The following TAFA2 variants were observed in gnomAD, a reference collection of about 807,000 sequenced individuals.
TAFA2 encodes TAFA chemokine like family member 2.
A neutral mutation model predicts 18.8 loss-of-function variants in TAFA2; 7 were observed. The ratio of observed to expected loss-of-function variants is 0.37; its 90% CI spans 0.21 to 0.70. The LOEUF is 0.70. Among genes scored for constraint, TAFA2 ranks in the 30% least tolerant of loss-of-function variants. TAFA2 has a pLI of 0.53. For missense variants in TAFA2, 122 were observed against 158.1 expected (o/e 0.77, Z 1.23); for synonymous variants, 60 against 54.2 (o/e 1.11, Z -0.47).
chr12:61,910,522 A>G (rs1876564266), intron 1 of TAFA2, among the ~76,000 whole-genome samples: 1 of 152,188 alleles, frequency 6.6e-6, no homozygotes, highest in African/African-American at 2.4e-5. Context: ...ACTCCAAGAT[A>G]AACATAATCA....
At chr12:61,834,871 C>T (rs1275305583) in intron 2 of TAFA2, among the ~76,000 whole-genome samples, 1 of 151,966 alleles carries the variant, frequency 6.6e-6, no homozygotes, top group East Asian at 1.9e-4. Flanking sequence ...TGAAGCCACA[C>T]CAATTATTCT....
In TAFA2 at chr12:61,897,025, A is replaced by T. The variant is rs188815026; in HGVS notation, c.-1-29599T>A. 3.3e-5 allele frequency among the ~76,000 whole-genome samples: 5 copies of T among 152,336 alleles called. No homozygotes were observed. The East Asian group carries it at 7.7e-4, about 23-fold the overall frequency. On this transcript the variant is annotated intron_variant, in intron 1 of 4. Coordinates refer to ENST00000416284, the MANE Select transcript of TAFA2 (RefSeq NM_178539.5). ...CAATATTACTTTTCCATATTATTTG[A>T]TACATATAAAATAAGTAACATAGGT... is the stretch of plus-strand genomic sequence containing the variant.
intron 2 of TAFA2, among the ~76,000 whole-genome samples, chr12:61,847,179 C>T (rs927801899): frequency 6.6e-6 from 1 of 152,210 alleles, no homozygotes; most frequent in Non-Finnish European, 1.5e-5. Flanking sequence ...ATCTCTTCTG[C>T]TGTTGTGATT....
intron 1 of TAFA2, among the ~76,000 whole-genome samples, chr12:62,027,532 G>A (rs1881340611): frequency 6.6e-6 from 1 of 152,060 alleles, no homozygotes; most frequent in South Asian, 2.1e-4. Flanking sequence ...TAAAATTTGT[G>A]TAGCACCTTT....
chr12:62,226,404 A>C (rs1315059671), intron 1 of TAFA2, among the ~76,000 whole-genome samples: 1 of 152,016 alleles, frequency 6.6e-6, no homozygotes, highest in Non-Finnish European at 1.5e-5. Flanking sequence ...TCACTGTGTT[A>C]GCCAAGATGG....
At chr12:61,819,803 A>G (rs1446436288) in intron 2 of TAFA2, among the ~76,000 whole-genome samples, 1 of 152,090 alleles carries the variant, frequency 6.6e-6, no homozygotes, top group Admixed American at 6.5e-5. Flanking sequence ...AGAATATGAC[A>G]AATGTCCTGG....
chr12:62,147,328 A>G (rs1458451704), intron 1 of TAFA2, among the ~76,000 whole-genome samples: 154 of 15,108 alleles, frequency 0.01, 2 homozygotes, highest in African/African-American at 0.023. Flanking sequence ...GTATGTATGT[A>G]TATATATATA....
At chr12:62,189,940 TTGTGTGTG>T (rs10643306) in intron 1 of TAFA2, among the ~76,000 whole-genome samples, 37 of 142,022 alleles carry the variant, frequency 2.6e-4, no homozygotes, top group East Asian at 2.1e-3. Flanking sequence ...TGAGTTTGCT[TTGTGTGTG>T]TGTGTGTGTG....
chr12:61,826,264 T>C (rs1872533518), intron 2 of TAFA2, among the ~76,000 whole-genome samples: 1 of 151,942 alleles, frequency 6.6e-6, no homozygotes, highest in Non-Finnish European at 1.5e-5. Context: ...AGTACTACCC[T>C]TTAAAAAAAT....
At chr12:61,839,876 A>T (rs1176275035) in intron 2 of TAFA2, among the ~76,000 whole-genome samples, 1 of 152,070 alleles carries the variant, frequency 6.6e-6, no homozygotes, top group African/African-American at 2.4e-5. Flanking sequence ...AGTTTAAATT[A>T]AAAAAATAAG....
chr12:62,070,680 C>G (rs1475873341), intron 1 of TAFA2: 2 of 152,170 alleles, frequency 1.3e-5, no homozygotes, highest in African/African-American at 4.8e-5. Flanking sequence ...ACAGAAAAGC[C>G]TCCTAACTGC....
intron 1 of TAFA2, among the ~76,000 whole-genome samples, chr12:61,988,318 GC>G (rs1432053831): frequency 6.6e-6 from 1 of 151,918 alleles, no homozygotes; most frequent in African/African-American, 2.4e-5. Context: ...ATTATAAAAT[GC>G]CCCAAGATTT....
intron 1 of TAFA2, chr12:61,880,035 TGATCTCGGACACGTCTGTGGTGCTGTCC>T: frequency 2.8e-6 from 2 of 716,928 alleles, no homozygotes; most frequent in Non-Finnish European, 5.1e-6. Context: ...CTGCAGTCCC[TGATCTCGGACACGTCTGTGGTGCTGTCC>T]ATAGACAGCA....
At chr12:62,234,392 G>T (rs1417806252) in intron 1 of TAFA2, 1 of 675,082 alleles carries the variant, frequency 1.5e-6, no homozygotes, top group African/African-American at 1.8e-5. Flanking sequence ...TTCACCTAAG[G>T]ACCAGGAACA....
intron 2 of TAFA2, among the ~76,000 whole-genome samples, chr12:61,773,285 T>G (rs1256820326): frequency 6.6e-6 from 1 of 151,740 alleles, no homozygotes; most frequent in Admixed American, 6.6e-5. Flanking sequence ...TACTGCCAAA[T>G]GCAATTCACA....
chr12:61,918,985 C>G (rs971297767), intron 1 of TAFA2, among the ~76,000 whole-genome samples: 1 of 152,286 alleles, frequency 6.6e-6, no homozygotes, highest in South Asian at 2.1e-4. Context: ...ACCATAGTTC[C>G]AATCTCTTTG....
At chr12:62,139,397 A>G (rs1565757453) in intron 1 of TAFA2, among the ~76,000 whole-genome samples, 1 of 152,182 alleles carries the variant, frequency 6.6e-6, no homozygotes, top group Non-Finnish European at 1.5e-5. Flanking sequence ...AAATAAAATG[A>G]AACATTACAC....
intron 1 of TAFA2, among the ~76,000 whole-genome samples, chr12:62,168,125 T>C (rs2062452570): frequency 6.6e-6 from 1 of 152,180 alleles, no homozygotes; most frequent in South Asian, 2.1e-4. Flanking sequence ...TTTCCTGTAT[T>C]GTACCTCTGG....
intron 1 of TAFA2, among the ~76,000 whole-genome samples, chr12:62,092,474 C>T (rs187431806): frequency 1.6e-4 from 24 of 152,032 alleles, no homozygotes; most frequent in African/African-American, 5.8e-4. Context: ...TTTGATAAAT[C>T]CCACAGTCAG....
Sources: gnomAD v4.1 joint callset for allele counts (sites outside exome capture counted in the v4.1 genomes callset) on GRCh38, gnomAD v4.1.1 for gene constraint, MANE v1.5 for transcripts, NCBI Gene and HGNC (gene_info 2026-07-23, HGNC 2026-07-21) for gene names.